The following ZPLD1 variants were observed in gnomAD, a reference collection of about 807,000 sequenced individuals.
The protein encoded by ZPLD1 is zona pellucida-like domain-containing protein 1.
Under a neutral mutation model 47.2 loss-of-function variants are expected in ZPLD1, and 34 were observed. The observed-to-expected ratio is 0.72, with a 90% CI of 0.55 to 0.96. The LOEUF (loss-of-function observed/expected upper bound fraction) is 0.96. Ranked by LOEUF, ZPLD1 falls within the 40% of genes least tolerant of loss-of-function variation. ZPLD1 has a pLI of 0.00. For synonymous variants in ZPLD1, 176 were observed against 186.2 expected, an observed-to-expected ratio of 0.95 and a Z score of 0.45; for missense variants, 512 against 505.8, an observed-to-expected ratio of 1.01 and a Z score of -0.12.
intron 8 of ZPLD1, among the ~76,000 whole-genome samples, chr3:102,464,774 A>G (rs1707566716): frequency 6.6e-6 from 1 of 152,214 alleles, no homozygotes; most frequent in Admixed American, 6.5e-5. Context: ...TCCCCAATAG[A>G]CAGTGATATA....
intron 7 of ZPLD1, among the ~76,000 whole-genome samples, chr3:102,398,730 A>C (rs538170441): frequency 6.6e-6 from 1 of 152,182 alleles, no homozygotes. Flanking sequence ...GAGCATATTT[A>C]GTAAAGATCA....
intron 7 of ZPLD1, among the ~76,000 whole-genome samples, chr3:102,413,862 A>G (rs1013930358): frequency 6.6e-6 from 1 of 151,898 alleles, no homozygotes. Context: ...ATTTCAATAT[A>G]AAATTCATAT....
intron 7 of ZPLD1, among the ~76,000 whole-genome samples, chr3:102,399,604 A>T (rs1706596514): frequency 6.6e-6 from 1 of 152,010 alleles, no homozygotes; most frequent in South Asian, 2.1e-4. Context: ...TTTTCAGAGG[A>T]TGGGTTAACT....
chr3:102,470,649 G>T, intron 10 of ZPLD1, 147 bp downstream of exon 10: 1 of 636,476 alleles, frequency 1.6e-6, no homozygotes, highest in Non-Finnish European at 2.7e-6. Context: ...TAATTTCACA[G>T]TAGTTTCCCT....
At chr3:102,412,996 A>G (rs1235931755) in intron 7 of ZPLD1, among the ~76,000 whole-genome samples, 1 of 151,786 alleles carries the variant, frequency 6.6e-6, no homozygotes, top group Non-Finnish European at 1.5e-5. Context: ...TTTATTTGAC[A>G]TTTGAAAAAT....
intron 3 of ZPLD1, among the ~76,000 whole-genome samples, chr3:102,442,816 G>A (rs1201520884): frequency 6.7e-6 from 1 of 150,184 alleles, no homozygotes; most frequent in East Asian, 1.9e-4. Context: ...ACCAAGAGAA[G>A]CACCATGGTC....
rs1707811400 is a variant in ZPLD1, at chr3:102,479,685, T to C, written c.*2067T>C. 1 of 152,220 alleles carries C rather than the reference T, an allele frequency of 6.6e-6. No individual in the cohort carries two copies. Among genetic ancestry groups the C allele is most frequent in the Non-Finnish European group, 1.5e-5 (1 of 68,032 alleles). The allele number at this position is 152,220 out of a possible 1,614,324, so 9.4% of individuals were successfully genotyped here. A position where few individuals can be genotyped will look rare whatever the true frequency, so the allele number is the denominator to read the frequency against. ...TGCAGTTATATGGAGTATTTAGTTA[T>C]ACTGAATTTTACAGTTATTATAGTG... On this transcript the variant is annotated 3_prime_UTR_variant, in exon 12 of 12. Transcript: ENST00000466937.
intron 6 of ZPLD1, among the ~76,000 whole-genome samples, chr3:102,388,901 A>G (rs1706465205): frequency 6.6e-6 from 1 of 152,192 alleles, no homozygotes; most frequent in Non-Finnish European, 1.5e-5. Context: ...TGATACAGAA[A>G]GGCAAGAGTT....
upstream of ZPLD1, among the ~76,000 whole-genome samples, chr3:102,431,485 C>T (rs902609809): frequency 6.6e-6 from 1 of 151,938 alleles, no homozygotes; most frequent in African/African-American, 2.4e-5. Context: ...TTTCATTTTT[C>T]TTTTAATATA....
chr3:102,402,349 C>T (rs1559740847), intron 7 of ZPLD1, among the ~76,000 whole-genome samples: 2 of 152,018 alleles, frequency 1.3e-5, no homozygotes, highest in African/African-American at 2.4e-5. Flanking sequence ...TTCAAGATAT[C>T]TGTGCTTGTA....
At chr3:102,426,357 A>C (rs1706947852) in intron 8 of ZPLD1, among the ~76,000 whole-genome samples, 1 of 152,050 alleles carries the variant, frequency 6.6e-6, no homozygotes, top group Non-Finnish European at 1.5e-5. Context: ...GTCTCTACTA[A>C]AAATACAAAA....
chr3:102,447,082 T>C (rs1707267645), intron 3 of ZPLD1, among the ~76,000 whole-genome samples: 1 of 152,200 alleles, frequency 6.6e-6, no homozygotes, highest in Non-Finnish European at 1.5e-5. Flanking sequence ...TTTTTTTTCC[T>C]TTGAGACAGA....
intron 8 of ZPLD1, among the ~76,000 whole-genome samples, chr3:102,427,762 T>C (rs1706965214): frequency 6.6e-6 from 1 of 152,208 alleles, no homozygotes; most frequent in Non-Finnish European, 1.5e-5. Context: ...AGCCCTACTA[T>C]GTGGCATAAA....
intron 6 of ZPLD1, among the ~76,000 whole-genome samples, chr3:102,391,894 G>A (rs547680466): frequency 6.6e-6 from 1 of 152,210 alleles, no homozygotes; most frequent in South Asian, 2.1e-4. Flanking sequence ...GCTGGGCAAT[G>A]TGCAGGCTAA....
chr3:102,413,066 T>A (rs1281035185), intron 7 of ZPLD1, among the ~76,000 whole-genome samples: 2 of 151,838 alleles, frequency 1.3e-5, no homozygotes, highest in African/African-American at 4.8e-5. Flanking sequence ...TGGTTTGACT[T>A]CTGCTAGACT....
chr3:102,435,320 T>A (rs1001712234), intron 1 of ZPLD1, among the ~76,000 whole-genome samples, 166 bp downstream of exon 1: 4 of 152,206 alleles, frequency 2.6e-5, no homozygotes, highest in Non-Finnish European at 5.9e-5. Context: ...CTTTTAAAAT[T>A]CCTTGCCTAA....
rs768911368 is a variant in ZPLD1 at position 102,469,054 on chromosome 3, C to T, written c.852C>T (p.His284=). ...FSFEVFRFVK[H]KNQKMSTVFL... ...TTGAAGTGTTCCGATTTGTGAAACA[C>T]AAGAATCAGAAAATGTCCACTGTCT... The change falls in exon 9 of 12, where the codon CAC becomes CAT. Residue 284 remains histidine (H), a synonymous_variant. Coordinates refer to ENST00000466937, the MANE Select transcript of ZPLD1 (RefSeq NM_001329788.2). The T allele has an allele frequency of 1.2e-6, 2 of 1,614,156 alleles. No homozygotes were observed. The highest frequency in any genetic ancestry group is 1.7e-6 in the Non-Finnish European group (2 of 1,179,996).
intron 6 of ZPLD1, among the ~76,000 whole-genome samples, chr3:102,390,037 A>G (rs1384525937): frequency 6.6e-6 from 1 of 152,230 alleles, no homozygotes; most frequent in African/African-American, 2.4e-5. Context: ...CTAAAAAGAA[A>G]TACTTAATGT....
chr3:102,459,258 A>G (rs1018219551), intron 6 of ZPLD1, among the ~76,000 whole-genome samples: 1 of 152,160 alleles, frequency 6.6e-6, no homozygotes, highest in African/African-American at 2.4e-5. Flanking sequence ...CTGTTAATTT[A>G]TATGCATAAG....
Sources: gnomAD v4.1 joint callset for allele counts (sites outside exome capture counted in the v4.1 genomes callset) on GRCh38, gnomAD v4.1.1 for gene constraint, MANE v1.5 for transcripts, NCBI Gene and HGNC (gene_info 2026-07-23, HGNC 2026-07-21) for gene names.